The following TSPAN18 variants were observed in gnomAD, a reference collection of about 807,000 sequenced individuals.
The protein encoded by TSPAN18 is tetraspanin 18.
A neutral mutation model predicts 27.3 loss-of-function variants in TSPAN18; 14 were observed. The ratio of observed to expected loss-of-function variants is 0.51; its 90% CI spans 0.34 to 0.80. The LOEUF is 0.80. Ranked by LOEUF, TSPAN18 falls within the 30% of genes least tolerant of loss-of-function variation. The pLI is 0.01. For synonymous variants in TSPAN18, 143 were observed against 136.5 expected, an observed-to-expected ratio of 1.05 and a Z score of -0.33; for missense variants, 268 against 323.9, an observed-to-expected ratio of 0.83 and a Z score of 1.32.
At chr11:44,894,110 G>A (rs1239497429) in intron 3 of TSPAN18, among the ~76,000 whole-genome samples, 2 of 152,184 alleles carry the variant, frequency 1.3e-5, no homozygotes, top group African/African-American at 2.4e-5. Context: ...GAGGGAACGG[G>A]GTGTGCAGCC....
chr11:44,818,554 C>G (rs972675267), intron 2 of TSPAN18, among the ~76,000 whole-genome samples: 1 of 152,282 alleles, frequency 6.6e-6, no homozygotes, highest in East Asian at 1.9e-4. Context: ...CCTGGCTTCT[C>G]TCCTGTGTGC....
intron 1 of TSPAN18, among the ~76,000 whole-genome samples, chr11:44,746,607 A>G (rs539573776): frequency 1.2e-3 from 189 of 152,186 alleles, no homozygotes; most frequent in African/African-American, 4.3e-3. Context: ...AAAAATAAAA[A>G]TTAGCTGCAG....
At chr11:44,895,975 A>G (rs1417028177) in intron 3 of TSPAN18, among the ~76,000 whole-genome samples, 1 of 152,166 alleles carries the variant, frequency 6.6e-6, no homozygotes, top group Non-Finnish European at 1.5e-5. Flanking sequence ...TGTCACTGGC[A>G]TCTCCAAGCC....
intron 7 of TSPAN18, 200 bp from the exon 8 acceptor site, chr11:44,919,617 A>G: frequency 1.6e-6 from 1 of 632,800 alleles, no homozygotes; most frequent in Non-Finnish European, 2.8e-6. Flanking sequence ...TGTTACTGCC[A>G]CCTCTGTTAT....
intron 8 of TSPAN18, among the ~76,000 whole-genome samples, chr11:44,921,913 C>T (rs1173267576): frequency 2.0e-5 from 3 of 152,170 alleles, no homozygotes; most frequent in African/African-American, 7.2e-5. Context: ...AAAATCAGAG[C>T]TCATCAGAGA....
At chr11:44,744,561 T>A (rs1195222885) in intron 1 of TSPAN18, among the ~76,000 whole-genome samples, 1 of 152,146 alleles carries the variant, frequency 6.6e-6, no homozygotes, top group Non-Finnish European at 1.5e-5. Flanking sequence ...GCAGTACCCC[T>A]CTCCGGGCCT....
At chr11:44,811,255 T>C (rs1438912884) in intron 2 of TSPAN18, among the ~76,000 whole-genome samples, 1 of 152,156 alleles carries the variant, frequency 6.6e-6, no homozygotes, top group Admixed American at 6.5e-5. Flanking sequence ...CCTCTGTTGA[T>C]GTTTATTCAC....
At chr11:44,879,466 A>G (rs953206283) in intron 3 of TSPAN18, among the ~76,000 whole-genome samples, 1 of 152,220 alleles carries the variant, frequency 6.6e-6, no homozygotes, top group African/African-American at 2.4e-5. Context: ...GTTTTGTGTG[A>G]GAGGGGCTTA....
intron 3 of TSPAN18, among the ~76,000 whole-genome samples, chr11:44,875,709 T>G (rs1009406593): frequency 2.0e-5 from 3 of 152,254 alleles, no homozygotes; most frequent in African/African-American, 7.2e-5. Context: ...GCTCTTGGCC[T>G]CAGAGAAGTG....
intron 4 of TSPAN18, among the ~76,000 whole-genome samples, chr11:44,908,810 A>AGAAGGAAGGAAGGAAGGAAGGAAG (rs1564993114): frequency 1.7e-5 from 2 of 116,422 alleles, no homozygotes; most frequent in African/African-American, 3.6e-5. Context: ...AAAGAAAGAA[A>AGAAGGAAGGAAGGAAGGAAGGAAG]GAAAGAAAGA....
chr11:44,727,492 C>T (rs1385882555), intron 1 of TSPAN18, among the ~76,000 whole-genome samples: 1 of 152,182 alleles, frequency 6.6e-6, no homozygotes. Context: ...GGTCTCCACC[C>T]CGTGCCTGCC....
chr11:44,783,954 A>G (rs1855998642), intron 2 of TSPAN18, among the ~76,000 whole-genome samples: 2 of 152,094 alleles, frequency 1.3e-5, no homozygotes, highest in Non-Finnish European at 2.9e-5. Flanking sequence ...GTTTCTTCCA[A>G]AGGAAAACCT....
At chr11:44,827,386 C>T (rs1456524858) in intron 2 of TSPAN18, among the ~76,000 whole-genome samples, 2 of 152,350 alleles carry the variant, frequency 1.3e-5, no homozygotes, top group African/African-American at 2.4e-5. Context: ...GTCTTGGACC[C>T]TGAATGTCTG....
intron 2 of TSPAN18, among the ~76,000 whole-genome samples, chr11:44,815,490 G>A (rs1856801747): frequency 6.6e-6 from 1 of 152,176 alleles, no homozygotes. Context: ...GCCGAGGTGT[G>A]TTCTTTTGTC....
intron 1 of TSPAN18, among the ~76,000 whole-genome samples, chr11:44,751,246 G>A (rs1244231245): frequency 6.6e-6 from 1 of 152,190 alleles, no homozygotes; most frequent in African/African-American, 2.4e-5. Context: ...CACACTTTGT[G>A]TTCTGGGAGT....
chr11:44,773,746 T>C (rs1855742519), intron 2 of TSPAN18, among the ~76,000 whole-genome samples: 1 of 152,132 alleles, frequency 6.6e-6, no homozygotes, highest in Non-Finnish European at 1.5e-5. Context: ...AGTCCTGCAA[T>C]AGGACCAGGT....
intron 2 of TSPAN18, among the ~76,000 whole-genome samples, chr11:44,814,994 A>G (rs1719123855): frequency 6.6e-6 from 1 of 152,234 alleles, no homozygotes. Context: ...CTCACTATGC[A>G]GAGAGCTGGC....
At chr11:44,765,719 T>C (rs1243814288) in intron 2 of TSPAN18, among the ~76,000 whole-genome samples, 1 of 152,234 alleles carries the variant, frequency 6.6e-6, no homozygotes, top group Non-Finnish European at 1.5e-5. Context: ...TTTTGCTTAC[T>C]TCAGTCTGTG....
intron 3 of TSPAN18, among the ~76,000 whole-genome samples, chr11:44,862,086 C>A (rs973813530): frequency 6.6e-6 from 1 of 152,022 alleles, no homozygotes; most frequent in Non-Finnish European, 1.5e-5. Flanking sequence ...GCTAAATGGG[C>A]CCCTTCCCAG....
Sources: allele counts gnomAD v4.1 joint callset (sites outside exome capture counted in the v4.1 genomes callset), GRCh38; gene constraint gnomAD v4.1.1; transcripts MANE v1.5; gene names NCBI Gene and HGNC (gene_info 2026-07-23, HGNC 2026-07-21).